Variants in AKNAD1 observed in about 807,000 individuals in gnomAD.
AKNAD1 encodes protein AKNAD1.
In AKNAD1, 67 loss-of-function variants were observed where a neutral mutation model predicts 90.8. That is an observed-to-expected ratio of 0.74 (90% CI 0.61 to 0.90). AKNAD1 has a LOEUF of 0.90. Among genes scored for constraint, AKNAD1 ranks in the 40% least tolerant of loss-of-function variants. AKNAD1 has a pLI of 0.00. For synonymous variants in AKNAD1, 327 were observed against 341.4 expected (o/e 0.96, Z 0.46); for missense variants, 957 against 975.4 (o/e 0.98, Z 0.25).
intron 5 of AKNAD1, among the ~76,000 whole-genome samples, chr1:108,843,808 A>C (rs1483065987): frequency 1.3e-5 from 2 of 152,142 alleles, no homozygotes; most frequent in African/African-American, 4.8e-5. Flanking sequence ...GAACAGCAGG[A>C]AGATTTAGCC....
rs751899915 is a variant in AKNAD1 at position 108,849,034 on chromosome 1, TAGAG to T, written c.1056_1059del (p.Lys354CysfsTer30). On this transcript the variant is annotated frameshift_variant, in exon 4 of 16. Transcript: ENST00000370001. LOFTEE classifies it high-confidence loss of function. ...CCTTTCTGAGAGGTTGGTGACAACT[TAGAG>T]AGACTTGCCTCAGATTCTATTCCTA... The T allele has an allele frequency of 1.9e-5, 31 of 1,605,178 alleles. No homozygotes were observed. The African/African-American group carries it at 4.0e-4, about 21-fold the overall frequency.
chr1:108,837,755 T>C (rs1194691346), intron 6 of AKNAD1, 49 bp from the exon 7 acceptor site: 2 of 1,582,372 alleles, frequency 1.3e-6, no homozygotes, highest in Non-Finnish European at 8.7e-7. Flanking sequence ...GTGGTTGGCA[T>C]TCTAATTAAT....
intron 9 of AKNAD1, among the ~76,000 whole-genome samples, chr1:108,832,694 A>G (rs938008128): frequency 1.3e-5 from 2 of 152,198 alleles, no homozygotes; most frequent in Non-Finnish European, 2.9e-5. Flanking sequence ...AACTTAAAAT[A>G]TCAATATTGT....
At position 108,852,743 on chromosome 1, in the gene AKNAD1, CT is replaced by C. The variant is rs1664909534; in HGVS notation, c.-80del. ...GTTGTAACAATAGCTCTGGTTCTCA[CT>C]GACTGTCTTCACTGTGTGCTATTCT... On this transcript the variant is annotated 5_prime_UTR_variant, in exon 2 of 16. Coordinates refer to ENST00000370001, the MANE Select transcript of AKNAD1 (RefSeq NM_152763.5). The C allele has an allele frequency of 2.2e-6, 3 of 1,368,786 alleles. No individual in the cohort carries two copies. The highest frequency in any genetic ancestry group is 3.0e-6 in the Non-Finnish European group (3 of 1,013,578). 84.8% of individuals were successfully genotyped at this position (1,368,786 alleles called of 1,614,324 possible).
intron 3 of AKNAD1, 66 bp downstream of exon 3, chr1:108,849,471 C>A: frequency 9.8e-7 from 1 of 1,020,116 alleles, no homozygotes; most frequent in Admixed American, 1.8e-5. Flanking sequence ...AGAGTGAGAC[C>A]CTGTCTCAAA....
intron 15 of AKNAD1, 174 bp downstream of exon 15, chr1:108,816,874 C>T (rs1663629289): frequency 7.4e-6 from 5 of 671,376 alleles, no homozygotes; most frequent in Admixed American, 3.1e-5. Context: ...TAATACAAAC[C>T]TTGCGACTGC....
Position 108,823,396 on chromosome 1 carries a change from A to G in AKNAD1, c.2141T>C (p.Leu714Ser), listed in dbSNP as rs1663884242. The change falls in exon 13 of 16, where the codon TTA (leucine) becomes TCA (serine). Residue 714 changes from leucine to serine, a missense_variant. By Grantham distance (145) the Leu-to-Ser change is moderately radical. Coordinates refer to ENST00000370001, the MANE Select transcript of AKNAD1 (RefSeq NM_152763.5). The stretch of plus-strand genomic sequence containing the variant: ...GGGTGAAGAGTTTTTACTTTCATCT[A>G]AAGAATGGGGCTGGACAAAGGCACC... Reference protein sequence around the residue: ...KRGAFVQPHSLDESKNSSPSF... With the variant: ...KRGAFVQPHSSDESKNSSPSF... 1 of 1,613,992 alleles carries G rather than the reference A, an allele frequency of 6.2e-7. No homozygotes were observed. The highest frequency in any genetic ancestry group is 8.5e-7 in the Non-Finnish European group (1 of 1,179,836).
intron 11 of AKNAD1, among the ~76,000 whole-genome samples, chr1:108,826,163 G>A (rs534761238): frequency 1.3e-5 from 2 of 151,744 alleles, no homozygotes; most frequent in Non-Finnish European, 2.9e-5. Context: ...ATTTGGAAAT[G>A]TGTCATCTAC....
intron 9 of AKNAD1, 49 bp downstream of exon 9, chr1:108,834,398 G>T: frequency 1.4e-6 from 2 of 1,477,762 alleles, no homozygotes; most frequent in Non-Finnish European, 9.3e-7. Flanking sequence ...TTTAGTTAAA[G>T]AGCCAACAAT....
chr1:108,835,577 T>C (rs1370471037), intron 7 of AKNAD1, among the ~76,000 whole-genome samples: 2 of 152,140 alleles, frequency 1.3e-5, no homozygotes, highest in African/African-American at 4.8e-5. Flanking sequence ...GAATGTATTA[T>C]TATTTTCTGC....
intron 1 of AKNAD1, among the ~76,000 whole-genome samples, chr1:108,853,421 G>A (rs369556521): frequency 1.3e-5 from 2 of 149,622 alleles, no homozygotes; most frequent in Admixed American, 1.3e-4. Flanking sequence ...GTGAGCCACC[G>A]CGCCCGGCCT....
chr1:108,823,752 G>A (rs1159663102), intron 11 of AKNAD1, 64 bp from the exon 12 acceptor site: 1 of 1,608,512 alleles, frequency 6.2e-7, no homozygotes, highest in African/African-American at 1.3e-5. Flanking sequence ...AAAATACGGT[G>A]TGGAGAGCAG....
chr1:108,844,397 T>TATATATATATAC (rs1557835399), intron 5 of AKNAD1, among the ~76,000 whole-genome samples: 7 of 147,628 alleles, frequency 4.7e-5, no homozygotes, highest in African/African-American at 1.8e-4. Flanking sequence ...TATATATATA[T>TATATATATATAC]ACCAAAGCCA....
At chr1:108,853,122 T>TTTTTTTC (rs1376744484) in intron 1 of AKNAD1, among the ~76,000 whole-genome samples, 14 of 138,332 alleles carry the variant, frequency 1.0e-4, no homozygotes, top group Non-Finnish European at 1.8e-4. Flanking sequence ...AAGGATTGAT[T>TTTTTTTC]TTTTTTCTTT....
chr1:108,838,608 G>C (rs780579038), intron 6 of AKNAD1, among the ~76,000 whole-genome samples: 34 of 151,898 alleles, frequency 2.2e-4, no homozygotes, highest in Non-Finnish European at 3.4e-4. Context: ...AAAATTACTA[G>C]AAATAAATGA....
At chr1:108,857,830 G>T (rs1342388627), upstream of AKNAD1, among the ~76,000 whole-genome samples, 1 of 152,218 alleles carries the variant, frequency 6.6e-6, no homozygotes, top group South Asian at 2.1e-4. Flanking sequence ...CTTTGTCACG[G>T]TAAGAGTTGG....
At chr1:108,845,373 C>T (rs908503254) in intron 5 of AKNAD1, among the ~76,000 whole-genome samples, 2 of 152,120 alleles carry the variant, frequency 1.3e-5, no homozygotes, top group East Asian at 1.9e-4. Flanking sequence ...CTCACCTGTG[C>T]CGTCATGGAG....
chr1:108,856,333 T>C (rs112268443), intron 1 of AKNAD1, among the ~76,000 whole-genome samples: 1,797 of 152,262 alleles, frequency 0.012, 29 homozygotes, highest in African/African-American at 0.041. Context: ...GATACTTTGT[T>C]GGCCAAATTC....
At chr1:108,824,387 C>A (rs1663924747) in intron 11 of AKNAD1, among the ~76,000 whole-genome samples, 1 of 151,884 alleles carries the variant, frequency 6.6e-6, no homozygotes, top group Non-Finnish European at 1.5e-5. Context: ...ATGCTTCTTG[C>A]CTTACTGAAC....
Sources: allele counts gnomAD v4.1 joint callset (sites outside exome capture counted in the v4.1 genomes callset), GRCh38; gene constraint gnomAD v4.1.1; transcripts MANE v1.5; gene names NCBI Gene and HGNC (gene_info 2026-07-23, HGNC 2026-07-21).